The following C2CD3 variants were observed in gnomAD, a reference collection of about 807,000 sequenced individuals.
C2CD3 encodes the protein C2 domain-containing protein 3.
A neutral mutation model predicts 234.0 loss-of-function variants in C2CD3; 148 were observed. The observed-to-expected ratio is 0.63, with a 90% CI of 0.55 to 0.72. The LOEUF is 0.72. Among genes scored for constraint, C2CD3 ranks in the 30% least tolerant of loss-of-function variants. The probability of loss-of-function intolerance (pLI) is 0.00; values close to 1 mark genes in which losing one functional copy is unlikely to be tolerated. For synonymous variants in C2CD3, 1,000 were observed against 1,035.4 expected (o/e 0.97, Z 0.66); for missense variants, 2,577 against 2,811.5 (o/e 0.92, Z 1.89).
chr11:74,086,256 A>T (rs1955637219), intron 20 of C2CD3, among the ~76,000 whole-genome samples: 1 of 152,248 alleles, frequency 6.6e-6, no homozygotes, highest in African/African-American at 2.4e-5. Context: ...CTCAGTGAGA[A>T]GTATCAGAAA....
chr11:74,053,567 G>C (rs1187934050), intron 26 of C2CD3, among the ~76,000 whole-genome samples: 3 of 152,158 alleles, frequency 2.0e-5, no homozygotes, highest in Non-Finnish European at 4.4e-5. Flanking sequence ...TCCCTCTTGG[G>C]AAGGTTCTTA....
intron 14 of C2CD3, 95 bp downstream of exon 14, chr11:74,103,036 C>T: frequency 7.9e-7 from 1 of 1,265,060 alleles, no homozygotes; most frequent in South Asian, 1.5e-5. Flanking sequence ...TCCTTCTAGT[C>T]TGAACATTCT....
chr11:74,069,620 A>G (rs972970836), intron 24 of C2CD3, among the ~76,000 whole-genome samples: 1 of 152,256 alleles, frequency 6.6e-6, no homozygotes, highest in South Asian at 2.1e-4. Flanking sequence ...CAACCAAGGA[A>G]CAGAGAAGTG....
chr11:74,077,485 G>T (rs904231937), intron 23 of C2CD3, among the ~76,000 whole-genome samples: 27 of 151,724 alleles, frequency 1.8e-4, no homozygotes, highest in African/African-American at 6.1e-4. Context: ...TCCTTTGCAG[G>T]GACATGGATG....
intron 25 of C2CD3, 135 bp downstream of exon 25, chr11:74,057,271 A>T: frequency 2.4e-6 from 2 of 846,232 alleles, no homozygotes; most frequent in Non-Finnish European, 1.9e-6. Context: ...CACTAGGATT[A>T]AATAATTGCT....
chr11:74,144,247 A>G (rs1855008424), intron 3 of C2CD3, among the ~76,000 whole-genome samples: 1 of 152,038 alleles, frequency 6.6e-6, no homozygotes, highest in Non-Finnish European at 1.5e-5. Context: ...GGGCCAGGGG[A>G]AAAAAAGGGC....
At chr11:74,134,899 T>C (rs1443899671) in intron 5 of C2CD3, among the ~76,000 whole-genome samples, 1 of 152,116 alleles carries the variant, frequency 6.6e-6, no homozygotes, top group East Asian at 1.9e-4. Context: ...TTATTTTTTA[T>C]TTTTTTGTAC....
chr11:74,043,909 G>T lies in C2CD3; in HGVS notation c.5496-1691C>A, dbSNP rs1369836644. On this transcript the variant is annotated intron_variant, in intron 28 of 32. Transcript: ENST00000334126. ...GGAGTGCATGGCTCAATGCAGCCCT[G>T]ACCTCCTGGGCTCAAGTGATCTTCC... is the stretch of plus-strand genomic sequence containing the variant. 2.6e-5 allele frequency among the ~76,000 whole-genome samples: 4 copies of T among 151,944 alleles called. No homozygotes were observed. In the East Asian group the frequency reaches 7.8e-4, roughly 30 times the overall value.
chr11:74,154,407 T>G (rs1328467181), intron 3 of C2CD3, among the ~76,000 whole-genome samples: 1 of 151,736 alleles, frequency 6.6e-6, no homozygotes, highest in Non-Finnish European at 1.5e-5. Flanking sequence ...TGGCCCAAAG[T>G]CTCTACTTAT....
chr11:74,095,314 C>A lies in C2CD3; in HGVS notation c.3074G>T (p.Gly1025Val), dbSNP rs761664670. The change falls in exon 17 of 33, where the codon GGA becomes GTA. Residue 1025 changes from glycine (G) to valine (V), a missense_variant. Gly to Val is a moderately radical substitution (Grantham distance 109). Transcript: ENST00000334126. ...GTACTGGACATAACAATCTGCTTCT[C>A]CCCAGACTGTTGCCTGAAGAGGGGC... ...GLAPLQATVWGEADCYVQYYF... is the reference protein window; with the variant it reads ...GLAPLQATVWVEADCYVQYYF... 2 of 1,613,322 alleles carry A rather than the reference C, an allele frequency of 1.2e-6. No individual in the cohort carries two copies. The highest frequency in any genetic ancestry group is 8.5e-7 in the Non-Finnish European group (1 of 1,179,344).
At chr11:74,094,879 A>G (rs1956048732) in intron 17 of C2CD3, among the ~76,000 whole-genome samples, 1 of 152,226 alleles carries the variant, frequency 6.6e-6, no homozygotes, top group Non-Finnish European at 1.5e-5. Flanking sequence ...TTTACAGAAC[A>G]GAACTACTGC....
chr11:74,087,002 T>C (rs910418766), intron 20 of C2CD3, among the ~76,000 whole-genome samples: 4 of 152,188 alleles, frequency 2.6e-5, no homozygotes, highest in Non-Finnish European at 4.4e-5. Context: ...CTCCTTTAAG[T>C]CTCAGTTTCC....
chr11:74,093,509 G>C (rs1955977423), intron 18 of C2CD3, among the ~76,000 whole-genome samples: 1 of 151,786 alleles, frequency 6.6e-6, no homozygotes, highest in Non-Finnish European at 1.5e-5. Context: ...ACTAAATAAG[G>C]CAGTAAGGGA....
intron 29 of C2CD3, among the ~76,000 whole-genome samples, chr11:74,040,497 G>A (rs1457364699): frequency 1.3e-5 from 2 of 151,918 alleles, no homozygotes; most frequent in Non-Finnish European, 2.9e-5. Context: ...TTTTGGCCGG[G>A]TGCAATGGCT....
At position 74,046,645 on chromosome 11, in the gene C2CD3, G is replaced by A. The variant is rs190849576; in HGVS notation, c.5495+1560C>T. Among the ~76,000 whole-genome samples, 21 of 151,792 alleles carry A rather than the reference G, an allele frequency of 1.4e-4. No individual in the cohort carries two copies. The East Asian group carries it at 1.5e-3, about 11-fold the overall frequency. ...TGGCTGGCCCAATGTACTCTTTTTC[G>A]TCTAGCTTCTCTTCCTCAGCATAAT... On this transcript the variant is annotated intron_variant, in intron 28 of 32. Coordinates refer to ENST00000334126, the MANE Select transcript of C2CD3 (RefSeq NM_001286577.2).
At chr11:74,164,640 T>C (rs961714867) in intron 2 of C2CD3, among the ~76,000 whole-genome samples, 9 of 152,232 alleles carry the variant, frequency 5.9e-5, no homozygotes, top group Non-Finnish European at 1.2e-4. Context: ...TTATTTCTCC[T>C]ACTGTATTTT....
chr11:74,026,405 G>A (rs1432543684), intron 32 of C2CD3, among the ~76,000 whole-genome samples: 3 of 152,158 alleles, frequency 2.0e-5, no homozygotes, highest in Non-Finnish European at 4.4e-5. Flanking sequence ...TGAGGAGGTT[G>A]GAAGAGGATG....
Position 74,094,939 on chromosome 11 carries a change from T to C in C2CD3, c.3160+289A>G, listed in dbSNP as rs143872186. Reference sequence around the variant, plus strand: ...ATGTGTATAGATAAGAGTGGGCATGTAAAGGATATAAAATAGGGCAAATGC... The same window carrying C: ...ATGTGTATAGATAAGAGTGGGCATGCAAAGGATATAAAATAGGGCAAATGC... On this transcript the variant is annotated intron_variant, in intron 17 of 32. Transcript: ENST00000334126. Among the ~76,000 whole-genome samples, 60 of 152,230 alleles carry C rather than the reference T, an allele frequency of 3.9e-4. No homozygotes were observed. The East Asian group carries it at 0.011, about 28-fold the overall frequency.
chr11:74,117,290 A>AC (rs1289020834), intron 9 of C2CD3, among the ~76,000 whole-genome samples: 2 of 126,732 alleles, frequency 1.6e-5, no homozygotes, highest in Non-Finnish European at 3.3e-5. Context: ...ACATAGTGAG[A>AC]CCCCGTCTCA....
Sources: allele counts gnomAD v4.1 joint callset (sites outside exome capture counted in the v4.1 genomes callset), GRCh38; gene constraint gnomAD v4.1.1; transcripts MANE v1.5; gene names NCBI Gene and HGNC (gene_info 2026-07-23, HGNC 2026-07-21).